ZNF248: variants seen among roughly 807,000 people sequenced by gnomAD.
The protein encoded by ZNF248 is KRAB protein domain.
In ZNF248, 20 loss-of-function variants were observed where a neutral mutation model predicts 44.3. The ratio of observed to expected loss-of-function variants is 0.45; its 90% CI spans 0.32 to 0.66. The LOEUF (loss-of-function observed/expected upper bound fraction) is 0.66, where lower values mean the gene tolerates loss of function less well. Among genes scored for constraint, ZNF248 ranks in the 30% least tolerant of loss-of-function variants. The probability of loss-of-function intolerance (pLI) is 0.04; values close to 1 mark genes in which losing one functional copy is unlikely to be tolerated. For synonymous variants in ZNF248, 224 were observed against 229.0 expected, an observed-to-expected ratio of 0.98 and a Z score of 0.20; for missense variants, 654 against 677.0, an observed-to-expected ratio of 0.97 and a Z score of 0.38.
chr10:37,814,320 C>CA (rs1307046936), intron 6 of ZNF248, among the ~76,000 whole-genome samples: 1 of 152,100 alleles, frequency 6.6e-6, no homozygotes. Context: ...TTATTGATGT[C>CA]AAAAAATGAC....
intron 6 of ZNF248, among the ~76,000 whole-genome samples, chr10:37,817,819 C>G (rs1409225110): frequency 1.3e-5 from 2 of 152,142 alleles, no homozygotes; most frequent in South Asian, 2.1e-4. Flanking sequence ...GTGCTACAAA[C>G]TTTTTAGAAG....
chr10:37,815,443 G>A (rs958679966), intron 6 of ZNF248, among the ~76,000 whole-genome samples: 11 of 151,838 alleles, frequency 7.2e-5, no homozygotes, highest in African/African-American at 2.7e-4. Context: ...GCTCAAATAT[G>A]CTTTTAAATC....
At chr10:37,826,527 C>T (rs956442655), downstream of ZNF248, among the ~76,000 whole-genome samples, 1 of 152,160 alleles carries the variant, frequency 6.6e-6, no homozygotes, top group African/African-American at 2.4e-5. Flanking sequence ...ATCACTACCA[C>T]TAACATTACC....
chr10:37,812,690 A>G (rs2051717037), intron 6 of ZNF248, among the ~76,000 whole-genome samples: 1 of 152,106 alleles, frequency 6.6e-6, no homozygotes, highest in Admixed American at 6.5e-5. Context: ...CAAAGACATC[A>G]AAGTGGTCTA....
chr10:37,769,532 T>G, the ZNF248 span, among the ~76,000 whole-genome samples: 1 of 152,190 alleles, frequency 6.6e-6, no homozygotes, highest in Non-Finnish European at 1.5e-5. Flanking sequence ...CACATGATTA[T>G]CTCAATAGAT....
In ZNF248 at chr10:37,830,673, GT is replaced by G; in HGVS notation, c.*941del. On this transcript the variant is annotated 3_prime_UTR_variant, in exon 6 of 6. Transcript: ENST00000395867. Reference sequence around the variant, plus strand: ...GAGAAAATTAAAACCCTGATTTATAGTTTGTCAATTTCCATGGTGTAAACAC... The same window carrying G: ...GAGAAAATTAAAACCCTGATTTATAGTTGTCAATTTCCATGGTGTAAACAC... 1.1e-6 allele frequency: 1 copy of G among 930,730 alleles called. No homozygotes were observed. 57.7% of individuals were successfully genotyped at this position (930,730 alleles called of 1,614,324 possible).
Position 37,829,607 on chromosome 10 carries a change from T to C in ZNF248, c.*2008A>G, listed in dbSNP as rs1056598807. The C allele has an allele frequency of 2.0e-6, 2 of 985,054 alleles. No individual in the cohort carries two copies. The highest frequency in any genetic ancestry group is 3.5e-5 in the African/African-American group (2 of 57,116). The allele number at this position is 985,054 out of a possible 1,614,324, so 61.0% of individuals were successfully genotyped here. On this transcript the variant is annotated 3_prime_UTR_variant, in exon 6 of 6. Transcript: ENST00000395867. ...ATAAAAAGTCCCAGTAGAGAACAGG[T>C]ATAGAGAGCAGAGTAGCTCGGCAAC...
intron 3 of ZNF248, among the ~76,000 whole-genome samples, chr10:37,849,000 C>G (rs1467264042): frequency 6.6e-6 from 1 of 151,952 alleles, no homozygotes; most frequent in Non-Finnish European, 1.5e-5. Flanking sequence ...GAAATGAATG[C>G]TAAGAAACCA....
Position 37,837,635 on chromosome 10 carries a change from G to A in ZNF248, c.220C>T (p.Pro74Ser). ...EEPWILEKGF[P>S]SQCHPERKWK... ...AACTCACCTGGGTGGCACTGGCTTG[G>A]GAATCCTTTTTCTAATATCCAGGGC... Residue 74 changes from proline (P) to serine (S), a missense_variant, in exon 5 of 6, where the codon CCA becomes TCA. Physicochemically the swap from Pro to Ser is moderately conservative, Grantham distance 74. Coordinates refer to ENST00000395867, the MANE Select transcript of ZNF248 (RefSeq NM_021045.3). The A allele has an allele frequency of 1.2e-6, 2 of 1,613,992 alleles. No individual in the cohort carries two copies. The highest frequency in any genetic ancestry group is 1.7e-6 in the Non-Finnish European group (2 of 1,179,972).
At chr10:37,807,303 A>AT (rs1254127474) in intron 6 of ZNF248, among the ~76,000 whole-genome samples, 1 of 152,118 alleles carries the variant, frequency 6.6e-6, no homozygotes, top group Non-Finnish European at 1.5e-5. Context: ...TTACACTATT[A>AT]TGATTTATAG....
chr10:37,780,191 G>T, intron 6 of ZNF248, among the ~76,000 whole-genome samples: 1 of 150,190 alleles, frequency 6.7e-6, no homozygotes, highest in Non-Finnish European at 1.5e-5. Flanking sequence ...GAACCAAAAA[G>T]GAGCCCGCAT....
intron 5 of ZNF248, among the ~76,000 whole-genome samples, chr10:37,837,402 C>T (rs989676978): frequency 6.6e-5 from 10 of 152,112 alleles, no homozygotes; most frequent in Admixed American, 3.9e-4. Context: ...CGTGAGCCAC[C>T]GCACCCAGCC....
In ZNF248 at chr10:37,837,709, T is replaced by C. The variant is rs2057503782; in HGVS notation, c.146A>G (p.Tyr49Cys). 4 of 1,613,700 alleles carry C rather than the reference T, an allele frequency of 2.5e-6. No homozygotes were observed. Among genetic ancestry groups the C allele is most frequent in the Non-Finnish European group, 3.4e-6 (4 of 1,179,764 alleles). The change falls in exon 5 of 6, where the codon TAT becomes TGT. Residue 49 changes from tyrosine (Y) to cysteine (C), a missense_variant. Physicochemically the swap from Tyr to Cys is radical, Grantham distance 194. Transcript: ENST00000395867. ...ENYSNLVSVG[Y>C]CITKPEVIFK... Reference sequence around the variant, plus strand: ...GATCACTTCTGGTTTAGTAATGCAATACCCTGTTAAGAGAAAATACCACAG... The same window carrying C: ...GATCACTTCTGGTTTAGTAATGCAACACCCTGTTAAGAGAAAATACCACAG...
chr10:37,816,988 G>A (rs1338763788), intron 6 of ZNF248, among the ~76,000 whole-genome samples: 1 of 152,138 alleles, frequency 6.6e-6, no homozygotes, highest in African/African-American at 2.4e-5. Context: ...TAGAGCCTGT[G>A]TCATGTGAAT....
intron 6 of ZNF248, among the ~76,000 whole-genome samples, chr10:37,788,151 G>C (rs1310392166): frequency 6.6e-6 from 1 of 151,168 alleles, no homozygotes; most frequent in Non-Finnish European, 1.5e-5. Flanking sequence ...TATAGTCCCA[G>C]CTACTCAGGA....
At chr10:37,760,870 C>T in the ZNF248 span, among the ~76,000 whole-genome samples, 3 of 152,168 alleles carry the variant, frequency 2.0e-5, no homozygotes, top group South Asian at 2.1e-4. Flanking sequence ...CATACTAAAA[C>T]ATTACCTTTT....
downstream of ZNF248, among the ~76,000 whole-genome samples, chr10:37,823,932 T>C (rs149853021): frequency 6.6e-6 from 1 of 151,960 alleles, no homozygotes; most frequent in African/African-American, 2.4e-5. Context: ...AAAAAAAATA[T>C]GTAAAGGCCT....
downstream of ZNF248, among the ~76,000 whole-genome samples, chr10:37,824,381 G>C (rs1339065370): frequency 1.3e-5 from 2 of 152,078 alleles, no homozygotes; most frequent in Admixed American, 6.6e-5. Context: ...CGAGAAGAAT[G>C]TTAGACCAAG....
downstream of ZNF248, chr10:37,776,189 T>C (rs1019805401): frequency 3.0e-5 from 5 of 168,672 alleles, no homozygotes; most frequent in Non-Finnish European, 6.3e-5. Context: ...ATAGAACTCC[T>C]CCAGCTATGC....
Sources: allele counts gnomAD v4.1 joint callset (sites outside exome capture counted in the v4.1 genomes callset), GRCh38; gene constraint gnomAD v4.1.1; transcripts MANE v1.5; gene names NCBI Gene and HGNC (gene_info 2026-07-23, HGNC 2026-07-21).